Variants in CNTN3 observed in about 807,000 individuals in gnomAD.
The protein encoded by CNTN3 is contactin 3, also known as contactin-3.
Under a neutral mutation model 119.1 loss-of-function variants are expected in CNTN3, and 60 were observed. The observed-to-expected ratio is 0.50, with a 90% CI of 0.41 to 0.62. The LOEUF is 0.62. CNTN3 is among the 20% of genes least tolerant of loss of function. The probability of loss-of-function intolerance (pLI) is 0.00; values close to 1 mark genes in which losing one functional copy is unlikely to be tolerated. For synonymous variants in CNTN3, 450 were observed against 438.7 expected, an observed-to-expected ratio of 1.03 and a Z score of -0.32; for missense variants, 1,101 against 1,242.4, an observed-to-expected ratio of 0.89 and a Z score of 1.71.
At chr3:74,379,386 C>T (rs1479862586) in intron 5 of CNTN3, among the ~76,000 whole-genome samples, 1 of 152,110 alleles carries the variant, frequency 6.6e-6, no homozygotes, top group Non-Finnish European at 1.5e-5. Context: ...GAACTCCTGA[C>T]CTCAGGTGAT....
intron 5 of CNTN3, among the ~76,000 whole-genome samples, chr3:74,409,560 T>A (rs1271630772): frequency 6.6e-6 from 1 of 152,092 alleles, no homozygotes; most frequent in East Asian, 1.9e-4. Context: ...GGTTGTTCCA[T>A]ACTATTACAA....
chr3:74,467,630 C>T (rs1386095182), intron 4 of CNTN3, among the ~76,000 whole-genome samples: 1 of 152,040 alleles, frequency 6.6e-6, no homozygotes, highest in Non-Finnish European at 1.5e-5. Flanking sequence ...CATAATAGCG[C>T]TTTATCTGAA....
At chr3:74,445,065 T>G (rs538192399) in intron 4 of CNTN3, among the ~76,000 whole-genome samples, 8 of 152,296 alleles carry the variant, frequency 5.3e-5, no homozygotes, top group Non-Finnish European at 7.3e-5. Flanking sequence ...TCTAGACAAC[T>G]ACTGCGGTAT....
rs949216049 is a variant in CNTN3 at position 74,614,494 on chromosome 3, G to T, written c.-184C>A. ...CCGCCGCCGCAGTTAGTCCGGGCCC[G>T]GGGGGCCGCCGTGCGCGCCCGCGTA... On this transcript the variant is annotated 5_prime_UTR_variant, in exon 1 of 23. Transcript: ENST00000263665. 6.9e-6 allele frequency among the ~76,000 whole-genome samples: 1 copy of T among 145,580 alleles called. No individual in the cohort carries two copies. The highest frequency in any genetic ancestry group is 1.5e-5 in the Non-Finnish European group (1 of 65,772).
intron 13 of CNTN3, among the ~76,000 whole-genome samples, chr3:74,323,417 C>T (rs929972379): frequency 6.6e-6 from 1 of 152,064 alleles, no homozygotes; most frequent in Non-Finnish European, 1.5e-5. Flanking sequence ...GAAAGTAGAT[C>T]GGTGGTTGCC....
Position 74,266,315 on chromosome 3 carries a change from T to G in CNTN3, c.2986+166A>C, listed in dbSNP as rs186767751. 3.8e-3 allele frequency among the ~76,000 whole-genome samples: 573 copies of G among 152,248 alleles called. 2 individuals are homozygous for G. Among genetic ancestry groups the G allele is most frequent in the African/African-American group, 0.013 (538 of 41,554 alleles). On this transcript the variant is annotated intron_variant, in intron 22 of 22. Transcript: ENST00000263665. ...TACTTTTCTCCCTATTTTGCACCACTCTTGAGGGGTTCCTCTTGCCCACGT... is the reference window on the plus strand; with the variant it reads ...TACTTTTCTCCCTATTTTGCACCACGCTTGAGGGGTTCCTCTTGCCCACGT...
At chr3:74,343,253 G>A (rs528325626) in intron 11 of CNTN3, among the ~76,000 whole-genome samples, 1 of 152,156 alleles carries the variant, frequency 6.6e-6, no homozygotes, top group Non-Finnish European at 1.5e-5. Flanking sequence ...TCCCCATAAG[G>A]GCAAGCCCCA....
chr3:74,365,404 A>G (rs1323450380), intron 9 of CNTN3, among the ~76,000 whole-genome samples, 162 bp downstream of exon 9: 2 of 152,094 alleles, frequency 1.3e-5, no homozygotes, highest in Non-Finnish European at 2.9e-5. Context: ...ACTTGATTTG[A>G]TATTTTTCCT....
chr3:74,458,890 A>T (rs1702316294), intron 4 of CNTN3, among the ~76,000 whole-genome samples: 1 of 151,990 alleles, frequency 6.6e-6, no homozygotes, highest in Non-Finnish European at 1.5e-5. Context: ...AGCCCTAGAG[A>T]CTCAACAGAA....
intron 20 of CNTN3, among the ~76,000 whole-genome samples, chr3:74,270,432 A>G (rs1273210414): frequency 6.6e-6 from 1 of 152,222 alleles, no homozygotes; most frequent in Non-Finnish European, 1.5e-5. Flanking sequence ...AATGGGAGAC[A>G]GAATGGATCA....
At chr3:74,489,419 C>T (rs6784992) in intron 3 of CNTN3, among the ~76,000 whole-genome samples, 100,290 of 149,402 alleles carry the variant, frequency 0.67, 34,612 homozygotes, top group Non-Finnish European at 0.75. Context: ...CCCTTCCTCC[C>T]TCCCTCCCTT....
intron 3 of CNTN3, 23 bp from the exon 4 acceptor site, chr3:74,486,654 C>G: frequency 6.8e-7 from 1 of 1,472,406 alleles, no homozygotes; most frequent in Non-Finnish European, 9.0e-7. Flanking sequence ...TATCAAGGTT[C>G]CCCCCCCTTA....
At chr3:74,428,803 C>A (rs931462263) in intron 4 of CNTN3, among the ~76,000 whole-genome samples, 1 of 152,196 alleles carries the variant, frequency 6.6e-6, no homozygotes, top group Admixed American at 6.5e-5. Flanking sequence ...GTCCCGCAAG[C>A]TCCATTCATG....
chr3:74,611,194 T>C (rs893019635), intron 1 of CNTN3, among the ~76,000 whole-genome samples: 1 of 152,228 alleles, frequency 6.6e-6, no homozygotes, highest in Non-Finnish European at 1.5e-5. Context: ...AATTATTTTA[T>C]CCTACTTAAG....
At position 74,371,272 on chromosome 3, in the gene CNTN3, G is replaced by A; in HGVS notation, c.582C>T (p.Tyr194=). The A allele has an allele frequency of 6.2e-7, 1 of 1,613,524 alleles. No individual in the cohort carries two copies. The highest frequency in any genetic ancestry group is 1.1e-5 in the South Asian group (1 of 91,074). Residue 194 remains tyrosine, a synonymous_variant, in exon 6 of 23, where the codon TAC becomes TAT. Transcript: ENST00000263665. ...TCACCATACTTGTCACCACACATGT[G>A]TAATTTCCCACATCAGACGGCTCCA... ...SKVEPSDVGN[Y]TCVVTSMVTN...
intron 5 of CNTN3, among the ~76,000 whole-genome samples, chr3:74,399,823 C>T (rs1705149316): frequency 6.6e-6 from 1 of 152,126 alleles, no homozygotes; most frequent in South Asian, 2.1e-4. Context: ...CAACAACCCC[C>T]TTCCTCCTGC....
intron 1 of CNTN3, among the ~76,000 whole-genome samples, chr3:74,571,659 G>A (rs1704336237): frequency 6.6e-6 from 1 of 152,054 alleles, no homozygotes; most frequent in Non-Finnish European, 1.5e-5. Flanking sequence ...TACTACAACA[G>A]GAAACTTGAA....
chr3:74,282,396 TG>T (rs530650381), intron 20 of CNTN3, among the ~76,000 whole-genome samples: 236 of 152,326 alleles, frequency 1.5e-3, no homozygotes, highest in African/African-American at 5.5e-3. Context: ...GAATTTGCAA[TG>T]TGCAGTCAAG....
intron 1 of CNTN3, among the ~76,000 whole-genome samples, chr3:74,537,732 G>A (rs2107143412): frequency 6.6e-6 from 1 of 152,224 alleles, no homozygotes; most frequent in Middle Eastern, 3.4e-3. Context: ...AAAAATCACT[G>A]AGACTATTCA....
Sources: gnomAD v4.1 joint callset for allele counts (sites outside exome capture counted in the v4.1 genomes callset) on GRCh38, gnomAD v4.1.1 for gene constraint, MANE v1.5 for transcripts, NCBI Gene and HGNC (gene_info 2026-07-23, HGNC 2026-07-21) for gene names.